The following ZNF676 variants were observed in gnomAD, a reference collection of about 807,000 sequenced individuals.
ZNF676 encodes the protein zinc finger protein 676.
In ZNF676, 4 loss-of-function variants were observed where a neutral mutation model predicts 6.0. The observed-to-expected ratio is 0.67, with a 90% CI of 0.33 to 1.53. The LOEUF (loss-of-function observed/expected upper bound fraction) is 1.53. Among genes scored for constraint, ZNF676 ranks in the 40% most tolerant of loss-of-function variants. The pLI is 0.06. For synonymous variants in ZNF676, 198 were observed against 223.1 expected (o/e 0.89, Z 1.00); for missense variants, 644 against 679.7 (o/e 0.95, Z 0.58).
chr19:22,257,543 A>G, the ZNF676 span, among the ~76,000 whole-genome samples: 1 of 152,184 alleles, frequency 6.6e-6, no homozygotes, highest in Admixed American at 6.5e-5. Context: ...CATGATAGGT[A>G]ATAATGTCCC....
intron 1 of ZNF676, among the ~76,000 whole-genome samples, chr19:22,213,108 G>T (rs1327899264): frequency 6.6e-6 from 1 of 152,146 alleles, no homozygotes; most frequent in African/African-American, 2.4e-5. Flanking sequence ...TCCAATTACT[G>T]AGAGATTCAG....
chr19:22,191,075 A>G (rs1365403625), intron 2 of ZNF676, among the ~76,000 whole-genome samples: 3 of 152,314 alleles, frequency 2.0e-5, no homozygotes, highest in South Asian at 4.1e-4. Context: ...TGACAGCTAC[A>G]TGGTATAGAA....
chr19:22,216,058 C>G (rs905309353), upstream of ZNF676, among the ~76,000 whole-genome samples: 5 of 152,140 alleles, frequency 3.3e-5, no homozygotes, highest in African/African-American at 1.2e-4. Flanking sequence ...GAAATGTGAA[C>G]AAATATATTT....
At chr19:22,213,432 A>G (rs1159754165) in intron 1 of ZNF676, among the ~76,000 whole-genome samples, 1 of 152,182 alleles carries the variant, frequency 6.6e-6, no homozygotes, top group East Asian at 1.9e-4. Context: ...GGTAAAGACA[A>G]TACTAATACC....
At chr19:22,194,436 C>A (rs2023946023) in intron 1 of ZNF676, among the ~76,000 whole-genome samples, 1 of 152,166 alleles carries the variant, frequency 6.6e-6, no homozygotes, top group Admixed American at 6.6e-5. Context: ...CATTGTTCTA[C>A]AATGTTAGCA....
the ZNF676 span, among the ~76,000 whole-genome samples, chr19:22,238,109 C>T: frequency 1.4e-4 from 21 of 152,162 alleles, no homozygotes; most frequent in Admixed American, 1.1e-3. Context: ...TCATTATGTT[C>T]CTTGGTTCTC....
chr19:22,224,254 G>A, the ZNF676 span, among the ~76,000 whole-genome samples: 61,290 of 149,034 alleles, frequency 0.41, 13,461 homozygotes, highest in African/African-American at 0.57. Context: ...GCTTTTTAGC[G>A]TCAGTTTCTT....
chr19:22,228,380 C>G, the ZNF676 span, among the ~76,000 whole-genome samples: 4 of 152,162 alleles, frequency 2.6e-5, no homozygotes, highest in Non-Finnish European at 5.9e-5. Context: ...CTATTTATGA[C>G]AGACCACAGT....
At chr19:22,216,158 G>A (rs281186), upstream of ZNF676, among the ~76,000 whole-genome samples, 64,521 of 152,126 alleles carry the variant, frequency 0.42, 14,503 homozygotes, top group African/African-American at 0.58. Context: ...CTAAAGGCTG[G>A]GTGCAGTGGC....
the ZNF676 span, among the ~76,000 whole-genome samples, chr19:22,242,556 G>A: frequency 6.6e-6 from 1 of 151,964 alleles, no homozygotes; most frequent in Non-Finnish European, 1.5e-5. Flanking sequence ...CACAATGTAT[G>A]CAAGGCCCAA....
At chr19:22,254,317 G>C in the ZNF676 span, among the ~76,000 whole-genome samples, 2 of 152,050 alleles carry the variant, frequency 1.3e-5, no homozygotes, top group Non-Finnish European at 2.9e-5. Flanking sequence ...TGGTGACTGG[G>C]TCCAGCAATA....
intron 2 of ZNF676, among the ~76,000 whole-genome samples, chr19:22,186,409 A>T (rs2145795800): frequency 6.6e-6 from 1 of 152,314 alleles, no homozygotes; most frequent in East Asian, 1.9e-4. Flanking sequence ...ACAACTGGTA[A>T]ACCAGCCACT....
At chr19:22,232,938 C>T in the ZNF676 span, among the ~76,000 whole-genome samples, 1 of 151,940 alleles carries the variant, frequency 6.6e-6, no homozygotes, top group African/African-American at 2.4e-5. Flanking sequence ...CACAGCAACT[C>T]TAAAAGTATA....
chr19:22,237,007 A>T, the ZNF676 span, among the ~76,000 whole-genome samples: 1 of 152,238 alleles, frequency 6.6e-6, no homozygotes, highest in Admixed American at 6.5e-5. Context: ...TAGATCTGAC[A>T]TGCAGAGAAA....
Position 22,179,756 on chromosome 19 carries a change from T to C in ZNF676, c.*194A>G. ...TGTTCCACAAGGTTTGAGGACCGGT[T>C]GAAGCCTTTGTCACATTCTTCACGT... On this transcript the variant is annotated 3_prime_UTR_variant, in exon 3 of 3. Coordinates refer to ENST00000397121, the MANE Select transcript of ZNF676 (RefSeq NM_001001411.3). The C allele has an allele frequency of 1.3e-6, 1 of 790,900 alleles. No homozygotes were observed. The highest frequency in any genetic ancestry group is 2.5e-5 in the East Asian group (1 of 39,926). 49.0% of individuals were successfully genotyped at this position (790,900 alleles called of 1,614,324 possible).
chr19:22,182,593 A>AAAAAAAAAAAACAAAC (rs1356303631), intron 2 of ZNF676, among the ~76,000 whole-genome samples: 1 of 90,930 alleles, frequency 1.1e-5, no homozygotes, highest in African/African-American at 4.5e-5. Flanking sequence ...TCTAAAAAAA[A>AAAAAAAAAAAACAAAC]AAAAAAAAAG....
At chr19:22,193,143 T>C (rs1258562185) in intron 1 of ZNF676, 32 bp from the exon 2 acceptor site, 1 of 1,558,472 alleles carries the variant, frequency 6.4e-7, no homozygotes, top group East Asian at 2.3e-5. Context: ...ACATCCATCT[T>C]GCTCATATTC....
the ZNF676 span, among the ~76,000 whole-genome samples, chr19:22,247,363 A>C: frequency 2.0e-5 from 3 of 151,922 alleles, no homozygotes; most frequent in African/African-American, 7.3e-5. Flanking sequence ...CAGAAGTTCG[A>C]GACCAGCCTG....
the ZNF676 span, among the ~76,000 whole-genome samples, chr19:22,231,326 C>T: frequency 6.6e-6 from 1 of 151,672 alleles, no homozygotes; most frequent in Non-Finnish European, 1.5e-5. Context: ...AAAGATACAA[C>T]AATCAAATGA....
Sources: allele counts gnomAD v4.1 joint callset (sites outside exome capture counted in the v4.1 genomes callset), GRCh38; gene constraint gnomAD v4.1.1; transcripts MANE v1.5; gene names NCBI Gene and HGNC (gene_info 2026-07-23, HGNC 2026-07-21).